Variants in ATP13A3 observed in about 807,000 individuals in gnomAD.
ATP13A3 encodes polyamine-transporting ATPase 13A3.
A neutral mutation model predicts 158.1 loss-of-function variants in ATP13A3; 59 were observed. That is an observed-to-expected ratio of 0.37 (90% CI 0.30 to 0.46). The LOEUF is 0.46. ATP13A3 is among the 20% of genes least tolerant of loss of function. The probability of loss-of-function intolerance (pLI) is 1.00; values close to 1 mark genes in which losing one functional copy is unlikely to be tolerated. For missense variants in ATP13A3, 1,166 were observed against 1,525.2 expected, an observed-to-expected ratio of 0.76 and a Z score of 3.92; for synonymous variants, 491 against 504.3, an observed-to-expected ratio of 0.97 and a Z score of 0.35.
At chr3:194,459,232 T>A (rs1450485822) in intron 6 of ATP13A3, 1 of 460,614 alleles carries the variant, frequency 2.2e-6, no homozygotes, top group East Asian at 4.2e-5. Flanking sequence ...TCAGTAGACT[T>A]TGGCATCATA....
rs1717751828 is a variant in ATP13A3 at position 194,437,618 on chromosome 3, A to G, written c.1828-45T>C. 2.6e-6 allele frequency: 4 copies of G among 1,530,098 alleles called. No homozygotes were observed. The South Asian group carries it at 3.7e-5, about 14-fold the overall frequency. The allele number at this position is 1,530,098 out of a possible 1,614,324, so 94.8% of individuals were successfully genotyped here. A position where few individuals can be genotyped will look rare whatever the true frequency, so the allele number is the denominator to read the frequency against. The stretch of plus-strand genomic sequence containing the variant: ...AGAAAAAATAGTACAGATTAACTCT[A>G]TTAACACACTAAAGTTAGAAAAAGT... On this transcript the variant is annotated intron_variant, in intron 17 of 33. Transcript: ENST00000645319.
At chr3:194,409,565 A>T (rs544489737) in intron 33 of ATP13A3, among the ~76,000 whole-genome samples, 1 of 152,346 alleles carries the variant, frequency 6.6e-6, no homozygotes, top group East Asian at 1.9e-4. Context: ...ATCTCCTGAA[A>T]CAGGGTTGCT....
rs947771531 is a variant in ATP13A3, at chr3:194,405,130, T to A, written c.*789A>T. 5.9e-5 allele frequency: 9 copies of A among 152,168 alleles called. No homozygotes were observed. The highest frequency in any genetic ancestry group is 1.3e-4 in the Non-Finnish European group (9 of 68,032). The allele number at this position is 152,168 out of a possible 1,614,324, so 9.4% of individuals were successfully genotyped here. On this transcript the variant is annotated 3_prime_UTR_variant, in exon 34 of 34. Transcript: ENST00000645319. ...TACATCTACTGCCGAAAGAAATGAA[T>A]CTTATTTCCTAGTGAAAAAGGTTCT...
At chr3:194,447,672 A>G (rs1410706541) in intron 13 of ATP13A3, among the ~76,000 whole-genome samples, 180 bp downstream of exon 13, 1 of 152,074 alleles carries the variant, frequency 6.6e-6, no homozygotes, top group East Asian at 1.9e-4. Flanking sequence ...AATGTTCTAT[A>G]GCTGGGCTTT....
chr3:194,419,632 TTA>T (rs1214257007), intron 31 of ATP13A3, among the ~76,000 whole-genome samples: 1 of 152,130 alleles, frequency 6.6e-6, no homozygotes, highest in East Asian at 1.9e-4. Context: ...CAACGTTTTT[TTA>T]TGTTTTTAAA....
At chr3:194,419,313 A>C (rs1463233527) in intron 31 of ATP13A3, among the ~76,000 whole-genome samples, 1 of 152,122 alleles carries the variant, frequency 6.6e-6, no homozygotes, top group Admixed American at 6.5e-5. Context: ...GGTACATGAG[A>C]GTGCCTTATT....
chr3:194,427,056 C>A lies in ATP13A3; in HGVS notation c.3125+19G>T, dbSNP rs763055440. 146 of 1,598,496 alleles carry A rather than the reference C, an allele frequency of 9.1e-5. No homozygotes were observed. The highest frequency in any genetic ancestry group is 1.2e-4 in the Non-Finnish European group (143 of 1,174,774). On this transcript the variant is annotated intron_variant, in intron 29 of 33. Transcript: ENST00000645319. ...TGCACATATTTTATATAGATTTTTA[C>A]ATAGATTGACCAACTTACTCTGATT...
rs190215943 is a variant in ATP13A3 at position 194,485,081 on chromosome 3, C to T, written c.-47+713G>A. 1.5e-4 allele frequency among the ~76,000 whole-genome samples: 22 copies of T among 151,652 alleles called. 1 individual carries two copies. In the East Asian group the frequency reaches 4.3e-3, roughly 29 times the overall value. ...CAAAAAAAAAAAAAAAAATTTAAAG[C>T]AACCAAATAGTGTCACTTTTCCTAC... On this transcript the variant is annotated intron_variant, in intron 2 of 33. Transcript: ENST00000645319.
intron 2 of ATP13A3, among the ~76,000 whole-genome samples, chr3:194,469,144 A>G (rs1158243981): frequency 1.2e-5 from 1 of 83,372 alleles, no homozygotes; most frequent in Non-Finnish European, 2.3e-5. Flanking sequence ...CACACACACC[A>G]AAAAAAAAAA....
At chr3:194,468,303 T>C (rs1720115150) in intron 2 of ATP13A3, 1 of 150,620 alleles carries the variant, frequency 6.6e-6, no homozygotes, top group Non-Finnish European at 1.5e-5. Flanking sequence ...TGATGTTATC[T>C]AAATAGCAAG....
chr3:194,479,858 A>G (rs977837945), intron 2 of ATP13A3, among the ~76,000 whole-genome samples: 1 of 152,180 alleles, frequency 6.6e-6, no homozygotes, highest in South Asian at 2.1e-4. Context: ...GAGAAAACAG[A>G]CTGCAAACAC....
chr3:194,433,826 G>C lies in ATP13A3; in HGVS notation c.2191C>G (p.Pro731Ala). ...IMQNKLKQET[P>A]AVLEDLHKAN... ...TTATGCAAATCTTCAAGTACTGCAG[G>C]GGTTTCTTGCTTTAATTTGTTCTGC... is the stretch of plus-strand genomic sequence containing the variant. The change falls in exon 21 of 34, where the codon CCT becomes GCT. Residue 731 changes from proline (P) to alanine (A), a missense_variant. This residue lies in a region of ATP13A3 where 997 missense variants were observed against 1,341.2 expected (regional missense o/e 0.74). Transcript: ENST00000645319. The C allele has an allele frequency of 6.2e-7, 1 of 1,613,980 alleles. No individual in the cohort carries two copies. Among genetic ancestry groups the C allele is most frequent in the Middle Eastern group, 1.7e-4 (1 of 6,060 alleles).
chr3:194,439,065 C>CATT, intron 16 of ATP13A3, 93 bp from the exon 17 acceptor site: 1 of 698,822 alleles, frequency 1.4e-6, no homozygotes, highest in Non-Finnish European at 2.3e-6. Flanking sequence ...TTAAATAGAA[C>CATT]ATTATGGCCA....
rs1261282316 is a variant in ATP13A3, at chr3:194,494,211, G to A, written n.585C>T. The stretch of plus-strand genomic sequence containing the variant: ...CACCCAGACTTCCACCTCCTCATGA[G>A]CCAGGACCTTCCTCAGCCACATCTG... On this transcript the variant is annotated non_coding_transcript_exon_variant, in exon 2 of 33. Coordinates refer to the ATP13A3 transcript ENST00000687055. This position sits in a 1 kb window ranked among gnomAD's most constrained non-coding sequence, Gnocchi z 4.2. The A allele has an allele frequency of 2.5e-6, 1 of 398,502 alleles. No individual in the cohort carries two copies. The highest frequency in any genetic ancestry group is 2.1e-5 in the African/African-American group (1 of 48,580). The allele number at this position is 398,502 out of a possible 1,614,324, so 24.7% of individuals were successfully genotyped here.
Position 194,453,761 on chromosome 3 carries a change from A to G in ATP13A3, c.783T>C (p.His261=), listed in dbSNP as rs1718993263. 6.2e-7 allele frequency: 1 copy of G among 1,613,668 alleles called. No individual in the cohort carries two copies. The highest frequency in any genetic ancestry group is 1.7e-5 in the Admixed American group (1 of 60,004). Residue 261 remains histidine, a synonymous_variant, in exon 10 of 34, where the codon CAT becomes CAC. Coordinates refer to ENST00000645319, the MANE Select transcript of ATP13A3 (RefSeq NM_001367549.1). ...YSIRKQYVML[H]DMVATHSTVR... ...CGGTACTATGAGTTGCCACCATGTC[A>G]TGCAACATAACATATTGCTGAAAGA... is the stretch of plus-strand genomic sequence containing the variant.
chr3:194,433,867 A>G lies in ATP13A3; in HGVS notation c.2150T>C (p.Met717Thr). The G allele has an allele frequency of 6.2e-7, 1 of 1,614,000 alleles. No individual in the cohort carries two copies. The highest frequency in any genetic ancestry group is 1.3e-5 in the African/African-American group (1 of 75,068). The change falls in exon 21 of 34, where the codon ATG becomes ACG. Residue 717 changes from methionine (M) to threonine (T), a missense_variant. Transcript: ENST00000645319. ...RDAIENNMDF[M>T]GLIIMQNKLK... Reference sequence around the variant, plus strand: ...TTTGTTCTGCATTATAATTAATCCCATAAAATCCATGTTGTTCTCAATTGC... The same window carrying G: ...TTTGTTCTGCATTATAATTAATCCCGTAAAATCCATGTTGTTCTCAATTGC...
chr3:194,461,244 G>C (rs1049285570), intron 3 of ATP13A3, among the ~76,000 whole-genome samples: 9 of 151,844 alleles, frequency 5.9e-5, no homozygotes, highest in Admixed American at 4.6e-4. Flanking sequence ...TTATAGAAAA[G>C]TTGCAAAAAT....
intron 30 of ATP13A3, among the ~76,000 whole-genome samples, chr3:194,421,859 T>C (rs890557327): frequency 1.5e-4 from 22 of 150,124 alleles, no homozygotes; most frequent in Admixed American, 6.0e-4. Flanking sequence ...ATAAGCCATA[T>C]TGCATGTTTT....
At chr3:194,413,299 A>T (rs1027466177) in intron 32 of ATP13A3, among the ~76,000 whole-genome samples, 6 of 152,196 alleles carry the variant, frequency 3.9e-5, no homozygotes, top group African/African-American at 1.4e-4. Context: ...GTCCATAACG[A>T]TTATTATTTT....
Sources: allele counts gnomAD v4.1 joint callset (sites outside exome capture counted in the v4.1 genomes callset), GRCh38; gene constraint gnomAD v4.1.1; regional missense constraint gnomAD v4.1.1; non-coding constraint Gnocchi (gnomAD v3.1); transcripts MANE v1.5; gene names NCBI Gene and HGNC (gene_info 2026-07-23, HGNC 2026-07-21).